Variants in ISM1 observed in about 807,000 individuals in gnomAD.
The protein encoded by ISM1 is isthmin 1.
Under a neutral mutation model 46.3 loss-of-function variants are expected in ISM1, and 25 were observed. The observed-to-expected ratio is 0.54, with a 90% CI of 0.39 to 0.75. ISM1 has a LOEUF of 0.75. Among genes scored for constraint, ISM1 ranks in the 30% least tolerant of loss-of-function variants. The pLI, the probability that ISM1 is intolerant of heterozygous loss-of-function variation, is 0.00. For missense variants in ISM1, 536 were observed against 625.4 expected, an observed-to-expected ratio of 0.86 and a Z score of 1.52; for synonymous variants, 255 against 256.7, an observed-to-expected ratio of 0.99 and a Z score of 0.06.
chr20:13,241,706 C>A (rs898630149), intron 1 of ISM1, among the ~76,000 whole-genome samples: 4 of 152,036 alleles, frequency 2.6e-5, no homozygotes, highest in Non-Finnish European at 5.9e-5. Context: ...GATACTGGAG[C>A]AAGTAAGGTT....
intron 2 of ISM1, among the ~76,000 whole-genome samples, chr20:13,275,235 C>T (rs2040165239): frequency 1.3e-5 from 2 of 151,644 alleles, no homozygotes; most frequent in African/African-American, 4.8e-5. Flanking sequence ...CCTTTTTTTC[C>T]TTGCACAGAC....
intron 5 of ISM1, among the ~76,000 whole-genome samples, chr20:13,297,029 A>AC (rs1474287286): frequency 7.5e-5 from 11 of 147,558 alleles, no homozygotes. Context: ...TCACTGCCTC[A>AC]CCCCCCGCCA....
intron 2 of ISM1, among the ~76,000 whole-genome samples, chr20:13,278,979 C>A (rs1233627133): frequency 6.6e-6 from 1 of 152,188 alleles, no homozygotes; most frequent in Non-Finnish European, 1.5e-5. Context: ...AGCTGTAAGG[C>A]CTCTGTTAAT....
Position 13,270,725 on chromosome 20 carries a change from G to T in ISM1, c.360G>T (p.Gly120=). Reference sequence around the variant, plus strand: ...ATCTTTCCAAAGCTGATATCAATGGGCAGAATCCAAATATCCAGGTAATTC... The same window carrying T: ...ATCTTTCCAAAGCTGATATCAATGGTCAGAATCCAAATATCCAGGTAATTC... ...FPDLSKADIN[G]QNPNIQVTIE... The change falls in exon 2 of 6, where the codon GGG becomes GGT. Residue 120 remains glycine (G), a synonymous_variant. Transcript: ENST00000262487. 1 of 1,613,728 alleles carries T rather than the reference G, an allele frequency of 6.2e-7. No homozygotes were observed. Among genetic ancestry groups the T allele is most frequent in the Non-Finnish European group, 8.5e-7 (1 of 1,179,760 alleles).
At chr20:13,307,628 T>C in the ISM1 span, among the ~76,000 whole-genome samples, 4 of 152,208 alleles carry the variant, frequency 2.6e-5, no homozygotes, top group Non-Finnish European at 4.4e-5. Flanking sequence ...ATCAGTATCA[T>C]GAATTTTACA....
intron 1 of ISM1, among the ~76,000 whole-genome samples, chr20:13,252,538 G>A (rs767051185): frequency 6.6e-5 from 10 of 152,070 alleles, no homozygotes; most frequent in Admixed American, 1.3e-4. Context: ...ATCATTTGAG[G>A]TCTGGAGTTC....
At chr20:13,235,346 A>T (rs1352165157) in intron 1 of ISM1, among the ~76,000 whole-genome samples, 2 of 152,234 alleles carry the variant, frequency 1.3e-5, no homozygotes, top group Non-Finnish European at 2.9e-5. Flanking sequence ...ACTAGCCAAA[A>T]AGTGGTCATG....
At chr20:13,318,281 C>G in the ISM1 span, among the ~76,000 whole-genome samples, 2 of 152,140 alleles carry the variant, frequency 1.3e-5, no homozygotes, top group African/African-American at 2.4e-5. Flanking sequence ...AACACAACAA[C>G]AAGATACCAT....
At chr20:13,251,021 C>G (rs1453172619) in intron 1 of ISM1, among the ~76,000 whole-genome samples, 3 of 152,144 alleles carry the variant, frequency 2.0e-5, no homozygotes, top group Non-Finnish European at 1.5e-5. Flanking sequence ...TAACTTATGA[C>G]CATTGATTGC....
chr20:13,271,763 G>A (rs7271120), intron 2 of ISM1, among the ~76,000 whole-genome samples: 14,536 of 152,022 alleles, frequency 0.096, 757 homozygotes, highest in East Asian at 0.21. Flanking sequence ...TCCAACTCTC[G>A]TCCTCATATG....
At chr20:13,303,601 G>A (rs1046061578), downstream of ISM1, among the ~76,000 whole-genome samples, 2 of 152,192 alleles carry the variant, frequency 1.3e-5, no homozygotes, top group Non-Finnish European at 2.9e-5. Flanking sequence ...GCAATGTGCA[G>A]AGGGCTTAAG....
At chr20:13,287,718 A>C (rs6109798) in intron 3 of ISM1, among the ~76,000 whole-genome samples, 14,330 of 152,316 alleles carry the variant, frequency 0.094, 867 homozygotes, top group Non-Finnish European at 0.13. Context: ...ACATACAAAA[A>C]GGGTTCAATA....
chr20:13,312,075 T>G, the ISM1 span, among the ~76,000 whole-genome samples: 1 of 152,068 alleles, frequency 6.6e-6, no homozygotes, highest in Non-Finnish European at 1.5e-5. Flanking sequence ...TAATTAACTT[T>G]TTTAAAAGAA....
At position 13,300,368 on chromosome 20, in the gene ISM1, A is replaced by G. The variant is rs2123342268; in HGVS notation, c.*909A>G. The G allele has an allele frequency of 6.6e-6, 1 of 152,328 alleles. No individual in the cohort carries two copies. Among genetic ancestry groups the G allele is most frequent in the East Asian group, 1.9e-4 (1 of 5,184 alleles). The allele number at this position is 152,328 out of a possible 1,614,324, so 9.4% of individuals were successfully genotyped here. ...ATTTCACCTATTTTAATACTATTTT[A>G]ACAATTTTTTCATCTACCAATATAT... is the stretch of plus-strand genomic sequence containing the variant. On this transcript the variant is annotated 3_prime_UTR_variant, in exon 6 of 6. Coordinates refer to ENST00000262487, the MANE Select transcript of ISM1 (RefSeq NM_080826.2).
downstream of ISM1, among the ~76,000 whole-genome samples, chr20:13,305,030 T>C (rs2040489040): frequency 6.6e-6 from 1 of 152,130 alleles, no homozygotes; most frequent in African/African-American, 2.4e-5. Flanking sequence ...TTATTGTTAA[T>C]ATTTGATATT....
At chr20:13,247,241 A>C (rs910710481) in intron 1 of ISM1, among the ~76,000 whole-genome samples, 1 of 152,306 alleles carries the variant, frequency 6.6e-6, no homozygotes, top group African/African-American at 2.4e-5. Flanking sequence ...TCAAAAAAAA[A>C]ATAAGAAGAG....
Position 13,221,830 on chromosome 20 carries a change from G to C in ISM1, c.54G>C (p.Thr18=). The C allele has an allele frequency of 1.0e-5, 15 of 1,457,620 alleles. No individual in the cohort carries two copies. The highest frequency in any genetic ancestry group is 1.4e-5 in the Non-Finnish European group (15 of 1,110,796). 90.3% of individuals were successfully genotyped at this position (1,457,620 alleles called of 1,614,324 possible). The change falls in exon 1 of 6, where the codon ACG becomes ACC. Residue 18 remains threonine (T), a synonymous_variant. Coordinates refer to ENST00000262487, the MANE Select transcript of ISM1 (RefSeq NM_080826.2). ...LLLLLGLLLL[T]LHITVLRGSG... ...TGCTGCTGGGGCTGCTGCTGCTCAC[G>C]CTGCACATCACCGTGCTGCGCGGCT...
the ISM1 span, among the ~76,000 whole-genome samples, chr20:13,308,996 C>T: frequency 2.6e-5 from 4 of 152,140 alleles, no homozygotes; most frequent in African/African-American, 7.2e-5. Context: ...CTTCCAGCCT[C>T]CAGAAATGTG....
chr20:13,318,660 A>G, the ISM1 span, among the ~76,000 whole-genome samples: 1 of 152,246 alleles, frequency 6.6e-6, no homozygotes, highest in Non-Finnish European at 1.5e-5. Flanking sequence ...CTGGCTATCC[A>G]GTGCTAATAA....
Sources: gnomAD v4.1 joint callset for allele counts (sites outside exome capture counted in the v4.1 genomes callset) on GRCh38, gnomAD v4.1.1 for gene constraint, MANE v1.5 for transcripts, NCBI Gene and HGNC (gene_info 2026-07-23, HGNC 2026-07-21) for gene names.